Variants in STOX2 observed in about 807,000 individuals in gnomAD.
STOX2 encodes storkhead-box protein 2.
A neutral mutation model predicts 60.9 loss-of-function variants in STOX2; 28 were observed. That is an observed-to-expected ratio of 0.46 (90% CI 0.34 to 0.63). STOX2 has a LOEUF of 0.63. Among genes scored for constraint, STOX2 ranks in the 30% least tolerant of loss-of-function variants. The pLI is 0.01. For missense variants in STOX2, 1,024 were observed against 1,187.7 expected, an observed-to-expected ratio of 0.86 and a Z score of 2.03; for synonymous variants, 472 against 463.9, an observed-to-expected ratio of 1.02 and a Z score of -0.22.
Position 183,957,083 on chromosome 4 carries a change from A to G in STOX2, c.167-44242A>G, listed in dbSNP as rs925165787. Among the ~76,000 whole-genome samples, 4 of 150,818 alleles carry G rather than the reference A, an allele frequency of 2.7e-5. No individual in the cohort carries two copies. The East Asian group carries it at 7.8e-4, about 29-fold the overall frequency. ...ATGAGTTAATGGGTGCAGCACACCA[A>G]CATGGCACATGTATACATATGTAAC... On this transcript the variant is annotated intron_variant, in intron 1 of 3. Transcript: ENST00000308497.
chr4:183,959,479 C>G (rs892852093), intron 1 of STOX2, among the ~76,000 whole-genome samples: 4 of 152,182 alleles, frequency 2.6e-5, no homozygotes, highest in South Asian at 4.1e-4. Context: ...CCGTTCCTCC[C>G]CTTCCCCCGC....
At chr4:183,889,118 G>A (rs1001206134) in intron 1 of STOX2, among the ~76,000 whole-genome samples, 4 of 151,868 alleles carry the variant, frequency 2.6e-5, no homozygotes, top group Admixed American at 6.6e-5. Context: ...GACACTGATC[G>A]GGGTTGAACT....
chr4:183,844,957 G>C lies in STOX2; in HGVS notation c.364+46902G>C, dbSNP rs971910906. 4.6e-5 allele frequency among the ~76,000 whole-genome samples: 7 copies of C among 152,194 alleles called. 1 individual carries two copies. The highest frequency in any genetic ancestry group is 1.7e-4 in the African/African-American group (7 of 41,448). On this transcript the variant is annotated intron_variant, in intron 1 of 2. Coordinates refer to the STOX2 transcript ENST00000513034. Reference sequence around the variant, plus strand: ...TACATCCTCATAAGAATCTCATGAAGCAGATGTTGGTTCCATTTCATTCAT... The same window carrying C: ...TACATCCTCATAAGAATCTCATGAACCAGATGTTGGTTCCATTTCATTCAT...
chr4:183,805,156 A>G (rs1738857148), intron 1 of STOX2, among the ~76,000 whole-genome samples: 3 of 152,156 alleles, frequency 2.0e-5, no homozygotes, highest in African/African-American at 7.2e-5. Flanking sequence ...TCTGCCTAAA[A>G]TATCACACAC....
At position 184,018,904 on chromosome 4, in the gene STOX2, G is replaced by T. The variant is rs1034238241; in HGVS notation, c.*1620G>T. ...ATTTAGTTCAGTGGCATGTGCTGTTGGGAGCCATACACCATAAAATATATA... is the reference window on the plus strand; with the variant it reads ...ATTTAGTTCAGTGGCATGTGCTGTTTGGAGCCATACACCATAAAATATATA... On this transcript the variant is annotated 3_prime_UTR_variant, in exon 4 of 4. Transcript: ENST00000308497. The T allele has an allele frequency of 1.3e-5, 2 of 152,150 alleles. No homozygotes were observed. The highest frequency in any genetic ancestry group is 4.8e-5 in the African/African-American group (2 of 41,430). 9.4% of individuals were successfully genotyped at this position (152,150 alleles called of 1,614,324 possible).
At chr4:183,828,513 A>T (rs1739488908) in intron 1 of STOX2, among the ~76,000 whole-genome samples, 1 of 151,908 alleles carries the variant, frequency 6.6e-6, no homozygotes, top group African/African-American at 2.4e-5. Flanking sequence ...CCCCCTTTAT[A>T]AAAAAAATGG....
At chr4:183,835,224 T>C (rs952774836) in intron 1 of STOX2, among the ~76,000 whole-genome samples, 30 of 149,240 alleles carry the variant, frequency 2.0e-4, no homozygotes, top group African/African-American at 6.9e-4. Flanking sequence ...TGGCAACCAA[T>C]AGATTTTTTT....
At position 183,839,023 on chromosome 4, in the gene STOX2, GCACA is replaced by G. The variant is rs144288337; in HGVS notation, c.364+40981_364+40984del. Among the ~76,000 whole-genome samples, 21 of 150,584 alleles carry G rather than the reference GCACA, an allele frequency of 1.4e-4. No homozygotes were observed. In the South Asian group the frequency reaches 2.9e-3, roughly 21 times the overall value. On this transcript the variant is annotated intron_variant, in intron 1 of 2. Transcript: ENST00000513034. ...CACAGGTACACGTGCACGCGCGCGC[GCACA>G]CACACACACACAGGTACACATGCAC...
chr4:183,960,618 T>C (rs1358310529), intron 1 of STOX2, among the ~76,000 whole-genome samples: 2 of 152,210 alleles, frequency 1.3e-5, no homozygotes, highest in East Asian at 1.9e-4. Context: ...TGCATTTACA[T>C]TGGGTAAGCA....
intron 1 of STOX2, among the ~76,000 whole-genome samples, chr4:183,945,799 CTT>C (rs1429538006): frequency 6.6e-6 from 1 of 152,170 alleles, no homozygotes; most frequent in Non-Finnish European, 1.5e-5. Flanking sequence ...TCGGTGTGTT[CTT>C]TTACCTTCAG....
At chr4:183,857,337 G>A (rs960096720) in intron 1 of STOX2, among the ~76,000 whole-genome samples, 3 of 151,878 alleles carry the variant, frequency 2.0e-5, no homozygotes, top group Non-Finnish European at 4.4e-5. Context: ...TTATCCCATA[G>A]GACTGGTTGC....
At chr4:183,886,764 G>T (rs1306350590) in intron 1 of STOX2, among the ~76,000 whole-genome samples, 1 of 152,092 alleles carries the variant, frequency 6.6e-6, no homozygotes, top group Non-Finnish European at 1.5e-5. Context: ...CCCAAGCACA[G>T]ACGTCTCATT....
chr4:183,979,477 A>G (rs1308309764), intron 1 of STOX2, among the ~76,000 whole-genome samples: 1 of 152,208 alleles, frequency 6.6e-6, no homozygotes, highest in Non-Finnish European at 1.5e-5. Context: ...CTATTGATTA[A>G]CCAGATCAGT....
chr4:184,015,690 G>A (rs1734339604), intron 3 of STOX2: 1 of 152,256 alleles, frequency 6.6e-6, no homozygotes, highest in Non-Finnish European at 1.5e-5. Flanking sequence ...ATGAAAGAGA[G>A]GAGAGGATGT....
intron 1 of STOX2, among the ~76,000 whole-genome samples, chr4:183,945,763 G>A (rs752128157): frequency 4.6e-5 from 7 of 152,174 alleles, no homozygotes; most frequent in Non-Finnish European, 7.3e-5. Context: ...GTTCTAAGAC[G>A]CTGGGAAATG....
At chr4:183,948,928 A>G (rs1742985729) in intron 1 of STOX2, among the ~76,000 whole-genome samples, 1 of 152,184 alleles carries the variant, frequency 6.6e-6, no homozygotes, top group African/African-American at 2.4e-5. Flanking sequence ...TGATACTTAG[A>G]GGGTGCTCGG....
chr4:183,805,048 T>G lies in STOX2; in HGVS notation c.364+6993T>G, dbSNP rs28523275. On this transcript the variant is annotated intron_variant, in intron 1 of 2. Coordinates refer to the STOX2 transcript ENST00000513034. ...CGACGGGTTGAAAGTATTTAGATGC[T>G]TTCTGTTCCTGAGGTCGATCATATA... 9.1e-3 allele frequency among the ~76,000 whole-genome samples: 1,386 copies of G among 152,342 alleles called. 25 individuals carry two copies. Among genetic ancestry groups the G allele is most frequent in the African/African-American group, 0.032 (1,315 of 41,580 alleles).
In STOX2 at chr4:184,010,872, A is replaced by T; in HGVS notation, c.2034A>T (p.Gly678=). The change falls in exon 3 of 4, where the codon GGA becomes GGT. Residue 678 remains glycine (G), a synonymous_variant. Coordinates refer to ENST00000308497, the MANE Select transcript of STOX2 (RefSeq NM_020225.3). The surrounding 1 kb of genome is among the most constrained non-coding windows in gnomAD (Gnocchi z 4.5). ...SGGVAEGIAN[G]RLVQHHGAEP... ...GAGTGGCTGAAGGGATCGCCAACGG[A>T]CGCCTCGTCCAGCACCATGGTGCCG... 1 of 1,610,504 alleles carries T rather than the reference A, an allele frequency of 6.2e-7. No individual in the cohort carries two copies. Among genetic ancestry groups the T allele is most frequent in the Middle Eastern group, 1.7e-4 (1 of 6,048 alleles).
intron 1 of STOX2, among the ~76,000 whole-genome samples, chr4:183,854,107 C>G (rs1468342509): frequency 1.3e-5 from 2 of 152,192 alleles, no homozygotes; most frequent in African/African-American, 4.8e-5. Context: ...GTAAATTGCT[C>G]TCTGATTTCA....
Sources: allele counts gnomAD v4.1 joint callset (sites outside exome capture counted in the v4.1 genomes callset), GRCh38; gene constraint gnomAD v4.1.1; non-coding constraint Gnocchi (gnomAD v3.1); transcripts MANE v1.5; gene names NCBI Gene and HGNC (gene_info 2026-07-23, HGNC 2026-07-21).